SH3PXD2A: variants seen among roughly 807,000 people sequenced by gnomAD.
SH3PXD2A encodes SH3 and PX domains 2A.
SH3PXD2A carries 32 observed loss-of-function variants against 115.2 expected under a neutral mutation model. That is an observed-to-expected ratio of 0.28 (90% confidence interval 0.21 to 0.37). The LOEUF is 0.37. SH3PXD2A is among the 10% of genes least tolerant of loss of function. SH3PXD2A has a pLI of 1.00. For missense variants in SH3PXD2A, 1,328 were observed against 1,498.7 expected, an observed-to-expected ratio of 0.89 and a Z score of 1.88; for synonymous variants, 610 against 629.1, an observed-to-expected ratio of 0.97 and a Z score of 0.45.
intron 1 of SH3PXD2A, among the ~76,000 whole-genome samples, chr10:103,852,853 C>G (rs1842908880): frequency 6.6e-6 from 1 of 151,794 alleles, no homozygotes; most frequent in Admixed American, 6.6e-5. Context: ...GTCCTCTTAG[C>G]CAAACCCAAC....
At chr10:103,626,803 G>A (rs1179361207) in intron 9 of SH3PXD2A, among the ~76,000 whole-genome samples, 1 of 151,534 alleles carries the variant, frequency 6.6e-6, no homozygotes, top group African/African-American at 2.4e-5. Context: ...AAAAAGGGGG[G>A]TGGGTGGAAA....
rs115164349 is a variant in SH3PXD2A at position 103,837,076 on chromosome 10, C to T, written c.72+18119G>A. On this transcript the variant is annotated intron_variant, in intron 1 of 14. Transcript: ENST00000369774. Reference sequence around the variant, plus strand: ...GCCGGGTTCCCTTGTTTCCAAGGCCCGCCTATCGTGTTTGCACTGACTGAG... The same window carrying T: ...GCCGGGTTCCCTTGTTTCCAAGGCCTGCCTATCGTGTTTGCACTGACTGAG... 3.2e-3 allele frequency among the ~76,000 whole-genome samples: 480 copies of T among 152,274 alleles called. 3 individuals carry two copies. The highest frequency in any genetic ancestry group is 0.011 in the African/African-American group (466 of 41,550).
intron 6 of SH3PXD2A, chr10:103,673,021 C>T (rs1210248996): frequency 1.3e-5 from 2 of 152,232 alleles, no homozygotes; most frequent in East Asian, 3.8e-4. Context: ...TCTTGACAGG[C>T]CCAGGTGATG....
chr10:103,663,556 C>T (rs1041351641), intron 7 of SH3PXD2A, among the ~76,000 whole-genome samples: 1 of 152,258 alleles, frequency 6.6e-6, no homozygotes, highest in Non-Finnish European at 1.5e-5. Flanking sequence ...TTTAAAAGTA[C>T]TGATGCTGGG....
At chr10:103,617,003 C>G (rs1448619100) in intron 11 of SH3PXD2A, among the ~76,000 whole-genome samples, 194 bp downstream of exon 11, 1 of 152,272 alleles carries the variant, frequency 6.6e-6, no homozygotes, top group African/African-American at 2.4e-5. Flanking sequence ...TTACGCGTCC[C>G]GGGAGAAAAC....
chr10:103,762,012 G>GTTTTTTTT (rs1554920581), intron 3 of SH3PXD2A, among the ~76,000 whole-genome samples: 6 of 95,368 alleles, frequency 6.3e-5, no homozygotes, highest in Non-Finnish European at 8.7e-5. Context: ...CAATCAACAC[G>GTTTTTTTT]TCTTTTTTTT....
At chr10:103,793,743 T>C (rs2039059689) in intron 2 of SH3PXD2A, among the ~76,000 whole-genome samples, 1 of 152,248 alleles carries the variant, frequency 6.6e-6, no homozygotes, top group South Asian at 2.1e-4. Context: ...CCCCAGGCTG[T>C]GGCCTCATCG....
chr10:103,669,603 T>C (rs1176626815), intron 6 of SH3PXD2A, among the ~76,000 whole-genome samples: 1 of 152,220 alleles, frequency 6.6e-6, no homozygotes. Flanking sequence ...TGGGTAGGCA[T>C]GTTTAGCCCC....
chr10:103,616,464 T>C (rs2036519994), intron 11 of SH3PXD2A, among the ~76,000 whole-genome samples: 1 of 152,174 alleles, frequency 6.6e-6, no homozygotes, highest in Non-Finnish European at 1.5e-5. Flanking sequence ...GGGTAGGTCT[T>C]GGCCAGGTAA....
chr10:103,724,338 G>T lies in SH3PXD2A; in HGVS notation c.330C>A (p.His110Gln). Residue 110 changes from histidine to glutamine, a missense_variant, in exon 5 of 15, where the codon CAC becomes CAA. Transcript: ENST00000369774. ...GGAAGACTTCGTCACACTGTGAGAT[G>T]TGGGGGGGCAGCCGGACAAGTGCCT... ...YCRALVRLPP[H>Q]ISQCDEVFRF... The T allele has an allele frequency of 6.3e-7, 1 of 1,582,544 alleles. No homozygotes were observed. The highest frequency in any genetic ancestry group is 1.4e-5 in the African/African-American group (1 of 72,766).
chr10:103,636,546 A>G (rs759702184), intron 8 of SH3PXD2A, among the ~76,000 whole-genome samples: 3 of 152,056 alleles, frequency 2.0e-5, no homozygotes, highest in Non-Finnish European at 4.4e-5. Flanking sequence ...ACTCTCCAGG[A>G]ATGGGGGAGC....
intron 6 of SH3PXD2A, among the ~76,000 whole-genome samples, chr10:103,680,332 G>T (rs1235494824): frequency 6.6e-6 from 1 of 152,048 alleles, no homozygotes; most frequent in African/African-American, 2.4e-5. Context: ...GCCCAGGCTG[G>T]AGTGCAGTGG....
chr10:103,650,377 G>A (rs2037101453), intron 8 of SH3PXD2A, among the ~76,000 whole-genome samples: 2 of 152,214 alleles, frequency 1.3e-5, no homozygotes, highest in African/African-American at 4.8e-5. Context: ...CCAGGCCTCC[G>A]CTATCCCTCA....
rs1365630673 is a variant in SH3PXD2A, at chr10:103,598,452, AAAAC to A, written c.*3360_*3363del. 6 of 152,658 alleles carry A rather than the reference AAAAC, an allele frequency of 3.9e-5. No homozygotes were observed. The highest frequency in any genetic ancestry group is 1.4e-4 in the African/African-American group (6 of 41,446). The allele number at this position is 152,658 out of a possible 1,614,324, so 9.5% of individuals were successfully genotyped here. ...AGAAAAAGGTCTTGAAACGGAAAGG[AAAAC>A]AAAGCACCAAATGCTGCATCTTCGG... On this transcript the variant is annotated 3_prime_UTR_variant, in exon 15 of 15. Transcript: ENST00000369774.
chr10:103,830,657 G>A lies in SH3PXD2A; in HGVS notation c.72+24538C>T, dbSNP rs562533270. On this transcript the variant is annotated intron_variant, in intron 1 of 14. Transcript: ENST00000369774. ...ATGGAATACCATGCAGCAGTCAGAA[G>A]CAATAAAGTAGAGGCATACAACCAC... Among the ~76,000 whole-genome samples the A allele has an allele frequency of 1.2e-3, 189 of 152,294 alleles. 1 individual carries two copies. The highest frequency in any genetic ancestry group is 4.4e-3 in the African/African-American group (181 of 41,568).
intron 2 of SH3PXD2A, among the ~76,000 whole-genome samples, chr10:103,799,817 C>T (rs906841268): frequency 6.6e-6 from 1 of 152,124 alleles, no homozygotes; most frequent in Non-Finnish European, 1.5e-5. Context: ...GGAGACTGGA[C>T]ATGAATTGAG....
chr10:103,735,694 TCCCC>T, intron 4 of SH3PXD2A, 34 bp downstream of exon 4: 2 of 1,340,894 alleles, frequency 1.5e-6, no homozygotes, highest in Non-Finnish European at 2.1e-6. Context: ...CCTGAAGCCC[TCCCC>T]GAGCCCCTCC....
intron 2 of SH3PXD2A, among the ~76,000 whole-genome samples, chr10:103,789,235 C>G (rs977113995): frequency 3.9e-5 from 6 of 152,298 alleles, no homozygotes; most frequent in African/African-American, 1.4e-4. Flanking sequence ...GAAGCTGCCC[C>G]CACAAGCCAA....
chr10:103,751,677 C>T (rs1658503357), intron 3 of SH3PXD2A, among the ~76,000 whole-genome samples: 1 of 152,216 alleles, frequency 6.6e-6, no homozygotes, highest in South Asian at 2.1e-4. Context: ...TTCTGAATTT[C>T]CCCAAGTCAC....
Sources: gnomAD v4.1 joint callset for allele counts (sites outside exome capture counted in the v4.1 genomes callset) on GRCh38, gnomAD v4.1.1 for gene constraint, MANE v1.5 for transcripts, NCBI Gene and HGNC (gene_info 2026-07-23, HGNC 2026-07-21) for gene names.